The following NHSL2 variants were observed in gnomAD, a reference collection of about 807,000 sequenced individuals.
NHSL2 encodes NHS like 2.
Under a neutral mutation model 53.4 loss-of-function variants are expected in NHSL2, and 27 were observed. That is an observed-to-expected ratio of 0.51 (90% CI 0.37 to 0.70). The LOEUF (loss-of-function observed/expected upper bound fraction) is 0.70. NHSL2 is among the 30% of genes least tolerant of loss of function. The probability of loss-of-function intolerance (pLI) is 0.00; values close to 1 mark genes in which losing one functional copy is unlikely to be tolerated. For missense variants in NHSL2, 892 were observed against 980.1 expected (o/e 0.91, Z 1.20); for synonymous variants, 408 against 404.1 (o/e 1.01, Z -0.12).
At chrX:72,070,949 C>T (rs1355910595) in intron 1 of NHSL2, among the ~76,000 whole-genome samples, 1 of 112,046 alleles carries the variant, frequency 8.9e-6, no homozygotes, top group East Asian at 2.8e-4. Flanking sequence ...ATGCTCCGGC[C>T]CAGAGGGTTG....
At chrX:72,102,661 A>C (rs1352125317) in intron 1 of NHSL2, among the ~76,000 whole-genome samples, 1 of 112,498 alleles carries the variant, frequency 8.9e-6, no homozygotes, top group African/African-American at 3.2e-5. Context: ...AAATAGCCCT[A>C]TATAAGTATT....
At chrX:71,918,192 C>T (rs915650823) in intron 1 of NHSL2, among the ~76,000 whole-genome samples, 2 of 111,120 alleles carry the variant, frequency 1.8e-5, no homozygotes, top group Non-Finnish European at 3.8e-5. Context: ...TGTGTGTCCC[C>T]GGCTGTGTGT....
In NHSL2 at chrX:71,913,930, C is replaced by T. The variant is rs769117878; in HGVS notation, c.280+2563C>T. 7.8e-4 allele frequency among the ~76,000 whole-genome samples: 88 copies of T among 112,777 alleles called. 1 individual carries two copies. The highest frequency in any genetic ancestry group is 2.7e-3 in the African/African-American group (85 of 31,056). ...CACAATCACAATCATGGGTCATGCC[C>T]CCACCATCTTCAAGGTTACAGGGGT... On this transcript the variant is annotated intron_variant, in intron 1 of 7. Transcript: ENST00000633930.
At chrX:71,981,769 G>A (rs1391743159) in intron 1 of NHSL2, among the ~76,000 whole-genome samples, 1 of 111,588 alleles carries the variant, frequency 9.0e-6, no homozygotes, top group Non-Finnish European at 1.9e-5. Context: ...CAAACCACAT[G>A]AGATCCCACT....
At chrX:71,995,425 T>C (rs941212420) in intron 1 of NHSL2, among the ~76,000 whole-genome samples, 3 of 46,094 alleles carry the variant, frequency 6.5e-5, no homozygotes, top group Non-Finnish European at 3.1e-4. Context: ...CCACAGGCCC[T>C]GCATACTCTA....
intron 1 of NHSL2, among the ~76,000 whole-genome samples, chrX:72,031,163 G>T (rs1447485936): frequency 8.9e-6 from 1 of 111,889 alleles, no homozygotes; most frequent in East Asian, 2.8e-4. Context: ...GTAGGAGACT[G>T]CATGGGGCTT....
intron 1 of NHSL2, among the ~76,000 whole-genome samples, chrX:72,063,629 A>C (rs753504024): frequency 1.8e-5 from 2 of 111,624 alleles, no homozygotes; most frequent in Non-Finnish European, 3.8e-5. Context: ...AACTCATTCC[A>C]TTCTGCCTCG....
At chrX:71,937,643 A>T (rs1377130905) in intron 1 of NHSL2, among the ~76,000 whole-genome samples, 2 of 112,254 alleles carry the variant, frequency 1.8e-5, no homozygotes, top group African/African-American at 6.5e-5. Context: ...TCATTTTGAT[A>T]AATGATTGTC....
rs1263728980 is a variant in NHSL2 at position 72,150,653 on chromosome X, TG to T, written c.*7081del. 1 of 112,458 alleles carries T rather than the reference TG, an allele frequency of 8.9e-6. No homozygotes were observed. Among genetic ancestry groups the T allele is most frequent in the Non-Finnish European group, 1.9e-5 (1 of 53,336 alleles). The allele number at this position is 112,458 out of a possible 1,213,427, so 9.3% of individuals were successfully genotyped here. On this transcript the variant is annotated 3_prime_UTR_variant, in exon 8 of 8. Transcript: ENST00000633930. ...ATTCTTTGCCTAATGTTCCTTAGTG[TG>T]GCTCTCTCTTTAGTTGGGGCCTCCT... is the stretch of plus-strand genomic sequence containing the variant.
chrX:71,969,319 C>CTTTTTTTTTTTTCT (rs2041915096), intron 1 of NHSL2, among the ~76,000 whole-genome samples: 1 of 60,926 alleles, frequency 1.6e-5, no homozygotes, highest in African/African-American at 5.6e-5. Flanking sequence ...TTTTTTTTTT[C>CTTTTTTTTTTTTCT]TTTTTTTTTT....
At chrX:72,064,416 G>C (rs1351842591) in intron 1 of NHSL2, among the ~76,000 whole-genome samples, 2 of 112,250 alleles carry the variant, frequency 1.8e-5, no homozygotes, top group Admixed American at 9.4e-5. Context: ...TCCCAACCCT[G>C]CCACTTACTA....
At chrX:71,995,085 C>T (rs1569470309) in intron 1 of NHSL2, among the ~76,000 whole-genome samples, 1 of 112,079 alleles carries the variant, frequency 8.9e-6, no homozygotes, top group Non-Finnish European at 1.9e-5. Context: ...TGCTCAAGAC[C>T]CAAACCTCAA....
chrX:72,005,440 G>A (rs144222152), intron 1 of NHSL2, among the ~76,000 whole-genome samples: 5,579 of 111,895 alleles, frequency 0.05, 345 homozygotes, highest in African/African-American at 0.17. Flanking sequence ...TCTTTGCAGG[G>A]TGGGATTCTG....
rs180791835 is a variant in NHSL2, at chrX:71,927,523, T to A, written c.280+16156T>A. On this transcript the variant is annotated intron_variant, in intron 1 of 7. Coordinates refer to ENST00000633930, the MANE Select transcript of NHSL2 (RefSeq NM_001013627.3). ...TGGGGCCACCCTCTCTGGGTTTGAATCCTCACTCTATTACTTGTTTTCTTT... is the reference window on the plus strand; with the variant it reads ...TGGGGCCACCCTCTCTGGGTTTGAAACCTCACTCTATTACTTGTTTTCTTT... Among the ~76,000 whole-genome samples the A allele has an allele frequency of 4.5e-4, 50 of 111,452 alleles. No homozygotes were observed. The East Asian group carries it at 0.013, about 29-fold the overall frequency.
At position 72,140,435 on chromosome X, in the gene NHSL2, A is replaced by G. The variant is rs1430594711; in HGVS notation, c.2887A>G (p.Thr963Ala). The stretch of plus-strand genomic sequence containing the variant: ...TTCCTCTGATGCTTTCTTCTCAGGA[A>G]CACAGCAGCCTCCCCAGGGAAGTGT... ...ASSSDAFFSG[T>A]QQPPQGSVED... The change falls in exon 6 of 8, where the codon ACA (threonine) becomes GCA (alanine). Residue 963 changes from threonine to alanine, a missense_variant. Transcript: ENST00000633930. 1 of 1,209,842 alleles carries G rather than the reference A, an allele frequency of 8.3e-7. No individual in the cohort carries two copies.
At chrX:72,023,425 G>A (rs769081693) in intron 1 of NHSL2, among the ~76,000 whole-genome samples, 1 of 112,788 alleles carries the variant, frequency 8.9e-6, no homozygotes, top group South Asian at 3.6e-4. Context: ...GCCTAGAAAG[G>A]GAAGTGGCAA....
At chrX:72,017,552 T>C (rs2042140651) in intron 1 of NHSL2, among the ~76,000 whole-genome samples, 1 of 112,362 alleles carries the variant, frequency 8.9e-6, no homozygotes, top group South Asian at 3.7e-4. Flanking sequence ...AAGGAGGAAG[T>C]AGGGGCTGGC....
At chrX:72,054,525 T>C (rs1244609463) in intron 1 of NHSL2, among the ~76,000 whole-genome samples, 2 of 112,260 alleles carry the variant, frequency 1.8e-5, no homozygotes, top group Non-Finnish European at 3.8e-5. Flanking sequence ...TGTTTACTTA[T>C]TGGTAAAGAG....
At chrX:71,983,298 G>A (rs192182491) in intron 1 of NHSL2, among the ~76,000 whole-genome samples, 2 of 111,223 alleles carry the variant, frequency 1.8e-5, no homozygotes, top group East Asian at 5.6e-4. Flanking sequence ...TATATGCTAC[G>A]CGAATTATAT....
Sources: gnomAD v4.1 joint callset for allele counts (sites outside exome capture counted in the v4.1 genomes callset) on GRCh38, gnomAD v4.1.1 for gene constraint, MANE v1.5 for transcripts, NCBI Gene and HGNC (gene_info 2026-07-23, HGNC 2026-07-21) for gene names.